Variants in CYP2C19 observed in about 807,000 individuals in gnomAD.
The protein encoded by CYP2C19 is cytochrome P450 family 2 subfamily C member 19, also known as cytochrome P450 2C19.
A neutral mutation model predicts 40.9 loss-of-function variants in CYP2C19; 59 were observed. That is an observed-to-expected ratio of 1.44 (90% CI 1.17 to 1.79). The LOEUF is 1.79. CYP2C19 is among the 40% of genes most tolerant of loss of function. The probability of loss-of-function intolerance (pLI) is 0.00; values close to 1 mark genes in which losing one functional copy is unlikely to be tolerated. For synonymous variants in CYP2C19, 253 were observed against 208.7 expected (o/e 1.21, Z -1.83); for missense variants, 754 against 596.9 (o/e 1.26, Z -2.74).
At chr10:94,793,944 C>T (rs183519504) in intron 5 of CYP2C19, among the ~76,000 whole-genome samples, 6 of 152,290 alleles carry the variant, frequency 3.9e-5, no homozygotes, top group Admixed American at 3.9e-4. Context: ...TTCAGCTATG[C>T]CCTGCCCCCA....
At chr10:94,846,421 A>T (rs908871772) in intron 7 of CYP2C19, among the ~76,000 whole-genome samples, 6 of 152,214 alleles carry the variant, frequency 3.9e-5, no homozygotes, top group Non-Finnish European at 1.5e-5. Context: ...GGTTATGCTA[A>T]GATCCTGACC....
chr10:94,772,093 A>C (rs919396265), intron 1 of CYP2C19, among the ~76,000 whole-genome samples: 1 of 152,174 alleles, frequency 6.6e-6, no homozygotes, highest in Non-Finnish European at 1.5e-5. Context: ...GTTATGCCCC[A>C]AAAATGAAAT....
At chr10:94,783,549 C>T (rs1373177259) in intron 5 of CYP2C19, among the ~76,000 whole-genome samples, 2 of 152,054 alleles carry the variant, frequency 1.3e-5, no homozygotes, top group Non-Finnish European at 2.9e-5. Context: ...GCTATTTTTT[C>T]CTCCTATTGA....
intron 1 of CYP2C19, among the ~76,000 whole-genome samples, chr10:94,772,047 G>A (rs1325367067): frequency 1.3e-5 from 2 of 152,140 alleles, no homozygotes; most frequent in South Asian, 2.1e-4. Context: ...GTGTTCTCCT[G>A]TTAGTATTGG....
intron 5 of CYP2C19, among the ~76,000 whole-genome samples, chr10:94,813,625 C>T (rs1450114392): frequency 1.3e-5 from 2 of 151,870 alleles, no homozygotes; most frequent in Non-Finnish European, 2.9e-5. Flanking sequence ...GGCAGACTCC[C>T]CTCAACACCC....
intron 5 of CYP2C19, among the ~76,000 whole-genome samples, chr10:94,796,686 A>T (rs1243712030): frequency 2.0e-5 from 3 of 152,226 alleles, no homozygotes; most frequent in East Asian, 3.9e-4. Flanking sequence ...AGTGGTTTGT[A>T]GTTCTCCTTG....
At chr10:94,814,941 C>T (rs972846479) in intron 5 of CYP2C19, among the ~76,000 whole-genome samples, 1 of 140,744 alleles carries the variant, frequency 7.1e-6, no homozygotes, top group Non-Finnish European at 1.5e-5. Flanking sequence ...CTCTAGCACA[C>T]CTTAGCAGCT....
At chr10:94,844,593 T>A (rs1241235063) in intron 7 of CYP2C19, among the ~76,000 whole-genome samples, 1 of 152,192 alleles carries the variant, frequency 6.6e-6, no homozygotes, top group African/African-American at 2.4e-5. Context: ...AAAGTTATAT[T>A]TTCAAGGGGA....
intron 6 of CYP2C19, among the ~76,000 whole-genome samples, chr10:94,837,789 C>T (rs536658569): frequency 4.8e-4 from 73 of 152,262 alleles, no homozygotes; most frequent in African/African-American, 1.6e-3. Flanking sequence ...CTGGGGCTTG[C>T]CCCAGGCACC....
intron 5 of CYP2C19, among the ~76,000 whole-genome samples, chr10:94,801,689 G>A (rs972214692): frequency 2.0e-5 from 3 of 152,168 alleles, no homozygotes; most frequent in Non-Finnish European, 2.9e-5. Context: ...TTGACAGTGG[G>A]TGATAAAATC....
intron 5 of CYP2C19, among the ~76,000 whole-genome samples, chr10:94,816,856 A>G (rs1392878021): frequency 1.3e-5 from 2 of 149,072 alleles, no homozygotes. Flanking sequence ...GTGATAGTTT[A>G]CTGAGAATGA....
intron 6 of CYP2C19, among the ~76,000 whole-genome samples, chr10:94,830,024 A>T (rs1041532531): frequency 6.6e-6 from 1 of 152,192 alleles, no homozygotes; most frequent in South Asian, 2.1e-4. Context: ...TCAGATCTCC[A>T]GCTGCATGCT....
intron 5 of CYP2C19, among the ~76,000 whole-genome samples, chr10:94,814,638 T>C (rs1298990429): frequency 6.6e-6 from 1 of 151,492 alleles, no homozygotes; most frequent in African/African-American, 2.4e-5. Context: ...TCAGGAGCAG[T>C]GTAGGTTGTT....
chr10:94,778,500 C>A (rs1848439870), intron 3 of CYP2C19, among the ~76,000 whole-genome samples: 1 of 151,980 alleles, frequency 6.6e-6, no homozygotes, highest in African/African-American at 2.4e-5. Flanking sequence ...TTTATGTGGC[C>A]AACAAACATA....
In CYP2C19 at chr10:94,807,745, TG is replaced by T. The variant is rs1258977783; in HGVS notation, c.820-12750del. Among the ~76,000 whole-genome samples, 34 of 152,292 alleles carry T rather than the reference TG, an allele frequency of 2.2e-4. 1 individual carries two copies. Among genetic ancestry groups the T allele is most frequent in the Admixed American group, 1.5e-3 (23 of 15,282 alleles). ...ATTTTAATTGTAGTATTTGTTTTTT[TG>T]TTTCTGTTGAATTGTTTGAGTTACT... On this transcript the variant is annotated intron_variant, in intron 5 of 8. Transcript: ENST00000371321.
rs897364145 is a variant in CYP2C19 at position 94,785,920 on chromosome 10, G to A, written c.819+3923G>A. On this transcript the variant is annotated intron_variant, in intron 5 of 8. Coordinates refer to ENST00000371321, the MANE Select transcript of CYP2C19 (RefSeq NM_000769.4). The stretch of plus-strand genomic sequence containing the variant: ...CATTTGCATAATAACATTAGAGTGG[G>A]TTGGCCAGCCTTCCCTGCCCACTAT... Among the ~76,000 whole-genome samples, 4 of 152,100 alleles carry A rather than the reference G, an allele frequency of 2.6e-5. No individual in the cohort carries two copies. In the South Asian group the frequency reaches 6.2e-4, roughly 24 times the overall value.
chr10:94,772,366 T>G (rs1429120132), intron 1 of CYP2C19, among the ~76,000 whole-genome samples: 1 of 151,950 alleles, frequency 6.6e-6, no homozygotes, highest in East Asian at 1.9e-4. Flanking sequence ...AGTCCTGGAG[T>G]TTATACTAGA....
chr10:94,812,923 C>T (rs768223353), intron 5 of CYP2C19, among the ~76,000 whole-genome samples: 28 of 151,512 alleles, frequency 1.8e-4, no homozygotes, highest in African/African-American at 2.4e-4. Context: ...GAGTTGTGAT[C>T]CTTTGGAGGA....
intron 7 of CYP2C19, among the ~76,000 whole-genome samples, chr10:94,843,982 T>C (rs1164060543): frequency 1.3e-5 from 2 of 152,234 alleles, no homozygotes; most frequent in Non-Finnish European, 2.9e-5. Context: ...GAAATAAGTA[T>C]GCACATAGAG....
Sources: gnomAD v4.1 joint callset for allele counts (sites outside exome capture counted in the v4.1 genomes callset) on GRCh38, gnomAD v4.1.1 for gene constraint, MANE v1.5 for transcripts, NCBI Gene and HGNC (gene_info 2026-07-23, HGNC 2026-07-21) for gene names.